Variants in NPM1 observed in about 807,000 individuals in gnomAD.
NPM1 encodes nucleophosmin 1, also known as nucleophosmin.
A neutral mutation model predicts 44.1 loss-of-function variants in NPM1; 1 was observed. The observed-to-expected ratio is 0.02, with a 90% CI of 0.01 to 0.11. NPM1 has a LOEUF of 0.11. Ranked by LOEUF, NPM1 falls within the 10% of genes least tolerant of loss-of-function variation. The pLI is 1.00. For missense variants in NPM1, 197 were observed against 347.8 expected (o/e 0.57, Z 3.45); for synonymous variants, 126 against 111.8 (o/e 1.13, Z -0.80).
intron 6 of NPM1, among the ~76,000 whole-genome samples, chr5:171,399,694 T>A (rs1771092066): frequency 2.0e-5 from 3 of 151,862 alleles, no homozygotes; most frequent in South Asian, 4.2e-4. Flanking sequence ...TTTTTTTTTT[T>A]AACACAAATT....
At position 171,391,178 on chromosome 5, in the gene NPM1, C is replaced by G. The variant is rs1428627091; in HGVS notation, c.139-127C>G. On this transcript the variant is annotated intron_variant, in intron 2 of 10. Transcript: ENST00000296930. ...TATGATTGTACAAAGATGAAATTGT[C>G]TAACAACACATTTCTCAGAACCTAG... The G allele has an allele frequency of 4.6e-6, 5 of 1,078,764 alleles. No homozygotes were observed. The South Asian group carries it at 4.7e-5, about 10-fold the overall frequency. 66.8% of individuals were successfully genotyped at this position (1,078,764 alleles called of 1,614,324 possible). A position where few individuals can be genotyped will look rare whatever the true frequency, so the allele number is the denominator to read the frequency against.
At chr5:171,407,492 T>C (rs1047527085) in intron 9 of NPM1, 1 of 555,602 alleles carries the variant, frequency 1.8e-6, no homozygotes, top group South Asian at 2.4e-5. Context: ...TTTGACCCTT[T>C]GGCAAATCTG....
chr5:171,387,832 C>A (rs1035585349), upstream of NPM1: 2 of 951,806 alleles, frequency 2.1e-6, no homozygotes, highest in African/African-American at 1.6e-5. Flanking sequence ...TATATATAAG[C>A]GCGGGGAGCC....
intron 4 of NPM1, 43 bp downstream of exon 4, chr5:171,391,842 T>C (rs374396635): frequency 2.7e-4 from 339 of 1,236,382 alleles, no homozygotes; most frequent in South Asian, 5.5e-4. Flanking sequence ...TTGTCCTCTT[T>C]AGTGCAGTTG....
At chr5:171,406,793 AG>A (rs748202619) in intron 9 of NPM1, 55 of 880,938 alleles carry the variant, frequency 6.2e-5, no homozygotes, top group Non-Finnish European at 7.3e-5. Flanking sequence ...AGGTTATTGG[AG>A]GCAGTTAAGT....
intron 6 of NPM1, among the ~76,000 whole-genome samples, chr5:171,394,036 G>GT (rs1214027227): frequency 9.7e-5 from 10 of 102,700 alleles, no homozygotes; most frequent in African/African-American, 1.4e-4. Context: ...TGCTGTTTTT[G>GT]TTTTCTTTTT....
intron 10 of NPM1, among the ~76,000 whole-genome samples, chr5:171,410,081 C>T: frequency 6.6e-6 from 1 of 152,228 alleles, no homozygotes. Flanking sequence ...CAGGCGTGAG[C>T]CACCATGCCT....
At chr5:171,397,948 C>T (rs749283508) in intron 6 of NPM1, among the ~76,000 whole-genome samples, 6 of 150,930 alleles carry the variant, frequency 4.0e-5, no homozygotes, top group Non-Finnish European at 7.4e-5. Flanking sequence ...CCCCCCACCA[C>T]GCCCGGCTAA....
intron 6 of NPM1, 77 bp downstream of exon 6, chr5:171,393,055 A>C (rs1394123809): frequency 1.3e-6 from 2 of 1,513,870 alleles, no homozygotes; most frequent in African/African-American, 2.8e-5. Flanking sequence ...TATATGCATG[A>C]GGGTTTTATA....
chr5:171,406,399 G>T (rs202084580), intron 9 of NPM1: 57 of 1,612,368 alleles, frequency 3.5e-5, no homozygotes, highest in Non-Finnish European at 4.4e-5. Flanking sequence ...AATTGCAGGC[G>T]CATTGAACAG....
intron 6 of NPM1, among the ~76,000 whole-genome samples, chr5:171,393,373 G>GTTGT (rs1383146119): frequency 6.6e-6 from 1 of 152,196 alleles, no homozygotes; most frequent in African/African-American, 2.4e-5. Context: ...CATTTTACAA[G>GTTGT]TTGTTACTCA....
chr5:171,387,810 A>C, upstream of NPM1: 25 of 742,874 alleles, frequency 3.4e-5, no homozygotes, highest in Non-Finnish European at 4.3e-5. Context: ...CGCTCGCGAG[A>C]TCTTCAGGGT....
Position 171,403,915 on chromosome 5 carries a change from A to AC in NPM1, c.670-1380dup, listed in dbSNP as rs1341381917. The stretch of plus-strand genomic sequence containing the variant: ...GGGCGGCCGGCCAGGCGGGGGGCTT[A>AC]CCCCCCCACCTCCCTCCCGGACGGG... On this transcript the variant is annotated intron_variant, in intron 8 of 10. Coordinates refer to ENST00000296930, the MANE Select transcript of NPM1 (RefSeq NM_002520.7). 2.7e-4 allele frequency among the ~76,000 whole-genome samples: 9 copies of AC among 33,504 alleles called. 1 individual carries two copies. Among genetic ancestry groups the AC allele is most frequent in the South Asian group, 2.0e-3 (1 of 488 alleles). 22.0% of individuals were successfully genotyped at this position (33,504 alleles called of 152,430 possible).
rs527309039 is a variant in NPM1, at chr5:171,387,849, C to G, written c.-100C>G. ...TATATAAGCGCGGGGAGCCTGCGTC[C>G]TTTCCCTGGTGTGATTCCGTCCTGC... On this transcript the variant is annotated 5_prime_UTR_variant, in exon 1 of 11. Transcript: ENST00000296930. The G allele has an allele frequency of 1.7e-6, 2 of 1,146,168 alleles. No homozygotes were observed. Among genetic ancestry groups the G allele is most frequent in the Admixed American group, 1.9e-5 (1 of 53,560 alleles). 71.0% of individuals were successfully genotyped at this position (1,146,168 alleles called of 1,614,324 possible). A position where few individuals can be genotyped will look rare whatever the true frequency, so the allele number is the denominator to read the frequency against.
At position 171,387,957 on chromosome 5, in the gene NPM1, T is replaced by C; in HGVS notation, c.9T>C (p.Asp3=). 1 of 1,612,520 alleles carries C rather than the reference T, an allele frequency of 6.2e-7. No individual in the cohort carries two copies. The highest frequency in any genetic ancestry group is 8.5e-7 in the Non-Finnish European group (1 of 1,179,940). ...GTGCGTGCCGCCACCCGATGGAAGA[T>C]TCGATGGACATGGACATGAGCCCCC... is the stretch of plus-strand genomic sequence containing the variant. ME[D]SMDMDMSPLR... Residue 3 remains aspartate, a synonymous_variant, in exon 1 of 11, where the codon GAT becomes GAC. Transcript: ENST00000296930.
At chr5:171,391,249 G>A (rs1417116804) in intron 2 of NPM1, 56 bp from the exon 3 acceptor site, 35 of 1,587,394 alleles carry the variant, frequency 2.2e-5, no homozygotes, top group Non-Finnish European at 2.4e-5. Flanking sequence ...TTTAGTGGGG[G>A]GGTGTAAAAT....
At chr5:171,391,248 G>A (rs114980260) in intron 2 of NPM1, 57 bp from the exon 3 acceptor site, 20,330 of 1,586,640 alleles carry the variant, frequency 0.013, 180 homozygotes, top group Non-Finnish European at 0.016. Flanking sequence ...ATTTAGTGGG[G>A]GGGTGTAAAA....
In NPM1 at chr5:171,410,721, C is replaced by T. The variant is rs1581263221; in HGVS notation, c.*156C>T. ...GTTCTATTGCCAAGAATGTGTTGTCCAAAATGCCTGTTTAGTTTTTAAAGA... is the reference window on the plus strand; with the variant it reads ...GTTCTATTGCCAAGAATGTGTTGTCTAAAATGCCTGTTTAGTTTTTAAAGA... On this transcript the variant is annotated 3_prime_UTR_variant, in exon 11 of 11. Coordinates refer to ENST00000296930, the MANE Select transcript of NPM1 (RefSeq NM_002520.7). 1 of 512,980 alleles carries T rather than the reference C, an allele frequency of 1.9e-6. No homozygotes were observed. Among genetic ancestry groups the T allele is most frequent in the Non-Finnish European group, 3.4e-6 (1 of 293,578 alleles). The allele number at this position is 512,980 out of a possible 1,614,324, so 31.8% of individuals were successfully genotyped here.
rs116635235 is a variant in NPM1, at chr5:171,407,532, A to T, written c.772-168A>T. On this transcript the variant is annotated intron_variant, in intron 9 of 10. Transcript: ENST00000296930. ...AATAGAGATACTAGCCATGCTGCCC[A>T]ATAGGGCTTTCTGGCCCTGAAAAAG... The T allele has an allele frequency of 2.8e-3, 1,787 of 628,916 alleles. 30 individuals are homozygous for T. The African/African-American group carries it at 0.031, about 11-fold the overall frequency. The allele number at this position is 628,916 out of a possible 1,614,324, so 39.0% of individuals were successfully genotyped here.
Sources: allele counts gnomAD v4.1 joint callset (sites outside exome capture counted in the v4.1 genomes callset), GRCh38; gene constraint gnomAD v4.1.1; transcripts MANE v1.5; gene names NCBI Gene and HGNC (gene_info 2026-07-23, HGNC 2026-07-21).